Variants in SUMF1 observed in about 807,000 individuals in gnomAD.
The protein encoded by SUMF1 is sulfatase modifying factor 1.
In SUMF1, 48 loss-of-function variants were observed where a neutral mutation model predicts 47.6. The ratio of observed to expected loss-of-function variants is 1.01; its 90% CI spans 0.80 to 1.28. The LOEUF (loss-of-function observed/expected upper bound fraction) is 1.28. SUMF1 is among the 50% of genes most tolerant of loss of function. The probability of loss-of-function intolerance (pLI) is 0.00; values close to 1 mark genes in which losing one functional copy is unlikely to be tolerated. For missense variants in SUMF1, 571 were observed against 485.4 expected, an observed-to-expected ratio of 1.18 and a Z score of -1.66; for synonymous variants, 230 against 192.1, an observed-to-expected ratio of 1.20 and a Z score of -1.63.
chr3:4,120,491 C>G (rs1396515605), intron 8 of SUMF1, among the ~76,000 whole-genome samples: 1 of 152,158 alleles, frequency 6.6e-6, no homozygotes, highest in Non-Finnish European at 1.5e-5. Flanking sequence ...TTGTACAACT[C>G]TGACCTAAAA....
At chr3:4,456,656 G>A (rs2079613766) in intron 1 of SUMF1, among the ~76,000 whole-genome samples, 2 of 142,800 alleles carry the variant, frequency 1.4e-5, no homozygotes, top group African/African-American at 5.2e-5. Flanking sequence ...ATATATGTGT[G>A]TGTATATATA....
At position 4,415,865 on chromosome 3, in the gene SUMF1, C is replaced by T. The variant is rs2125027051; in HGVS notation, c.840+1263G>A. Among the ~76,000 whole-genome samples, 2 of 152,274 alleles carry T rather than the reference C, an allele frequency of 1.3e-5. 1 individual carries two copies. Among genetic ancestry groups the T allele is most frequent in the South Asian group, 4.2e-4 (2 of 4,818 alleles). On this transcript the variant is annotated intron_variant, in intron 6 of 8. Transcript: ENST00000272902. ...AAATGGCTCAAGGTTGAAGTGAGTGCTCTTTTGCCCGCCTTCTGCCTTCTG... is the reference window on the plus strand; with the variant it reads ...AAATGGCTCAAGGTTGAAGTGAGTGTTCTTTTGCCCGCCTTCTGCCTTCTG...
intron 8 of SUMF1, among the ~76,000 whole-genome samples, chr3:4,267,378 T>C (rs1310023797): frequency 2.0e-5 from 3 of 152,304 alleles, no homozygotes; most frequent in Non-Finnish European, 4.4e-5. Flanking sequence ...GTTGGTAAAG[T>C]ATTGATTATT....
In SUMF1 at chr3:4,253,922, T is replaced by C. The variant is rs313666; in HGVS notation, c.1014+122408A>G. On this transcript the variant is annotated intron_variant and NMD_transcript_variant, in intron 8 of 12. Coordinates refer to the SUMF1 transcript ENST00000448413. ...AGCACGCAGCTGGAGATCTGAGAAC[T>C]GGCAGACTGCCTCCTCAAGTGGGTC... Among the ~76,000 whole-genome samples the C allele has an allele frequency of 1.7e-3, 245 of 146,446 alleles. 1 individual carries two copies. Among genetic ancestry groups the C allele is most frequent in the Middle Eastern group, 3.5e-3 (1 of 284 alleles).
intron 8 of SUMF1, among the ~76,000 whole-genome samples, chr3:4,226,989 A>G (rs1480038892): frequency 6.6e-6 from 1 of 152,116 alleles, no homozygotes; most frequent in Non-Finnish European, 1.5e-5. Context: ...TTCAGGAGGC[A>G]TGGGGTGGAA....
At position 4,456,786 on chromosome 3, in the gene SUMF1, G is replaced by C. The variant is rs1381584939; in HGVS notation, c.271-3737C>G. On this transcript the variant is annotated intron_variant, in intron 1 of 8. Transcript: ENST00000272902. ...TGTATATATACACATATATACGTGT[G>C]TGTGTATATATACGTGTATATATAT... 5.0e-4 allele frequency among the ~76,000 whole-genome samples: 73 copies of C among 145,014 alleles called. 1 individual carries two copies. Among genetic ancestry groups the C allele is most frequent in the African/African-American group, 1.8e-3 (72 of 39,744 alleles).
At chr3:4,249,015 T>C (rs1369482726) in intron 8 of SUMF1, among the ~76,000 whole-genome samples, 1 of 152,172 alleles carries the variant, frequency 6.6e-6, no homozygotes, top group African/African-American at 2.4e-5. Context: ...CCCCTTCTCC[T>C]TCACTTCTCA....
At chr3:4,313,920 T>C (rs1386616753) in intron 8 of SUMF1, 1 of 1,319,630 alleles carries the variant, frequency 7.6e-7, no homozygotes, top group East Asian at 2.5e-5. Flanking sequence ...AATAGAATTC[T>C]CCATTTAACA....
chr3:4,258,636 G>A (rs368884320), intron 8 of SUMF1, among the ~76,000 whole-genome samples: 1 of 151,960 alleles, frequency 6.6e-6, no homozygotes, highest in Non-Finnish European at 1.5e-5. Flanking sequence ...AGGATGTGGA[G>A]AAATAGGAAC....
chr3:4,423,865 C>T (rs1338139380), intron 3 of SUMF1, among the ~76,000 whole-genome samples: 1 of 152,098 alleles, frequency 6.6e-6, no homozygotes, highest in Non-Finnish European at 1.5e-5. Flanking sequence ...CTCCCTCCAC[C>T]TCACTCTCTT....
chr3:4,274,393 G>A (rs185672732), intron 8 of SUMF1, among the ~76,000 whole-genome samples: 3 of 152,018 alleles, frequency 2.0e-5, no homozygotes, highest in African/African-American at 4.8e-5. Flanking sequence ...TACTATATTC[G>A]GCACTGTACT....
At position 4,408,215 on chromosome 3, in the gene SUMF1, T is replaced by C. The variant is rs1175645898; in HGVS notation, c.954+2650A>G. ...GATATTAGAGTTATCAGACAAACGTTTAAAAATGATGACTGAAAAACACAG... is the reference window on the plus strand; with the variant it reads ...GATATTAGAGTTATCAGACAAACGTCTAAAAATGATGACTGAAAAACACAG... On this transcript the variant is annotated intron_variant, in intron 7 of 8. Coordinates refer to ENST00000272902, the MANE Select transcript of SUMF1 (RefSeq NM_182760.4). Among the ~76,000 whole-genome samples the C allele has an allele frequency of 2.0e-5, 3 of 152,294 alleles. No individual in the cohort carries two copies. The South Asian group carries it at 6.2e-4, about 32-fold the overall frequency.
intron 9 of SUMF1, among the ~76,000 whole-genome samples, chr3:4,051,628 T>G (rs1390794892): frequency 1.3e-5 from 2 of 152,120 alleles, no homozygotes; most frequent in Non-Finnish European, 2.9e-5. Context: ...CCCACTTTTT[T>G]CCTCCCTCCT....
chr3:4,344,919 G>T (rs985295178), intron 8 of SUMF1, among the ~76,000 whole-genome samples: 1 of 151,986 alleles, frequency 6.6e-6, no homozygotes, highest in Non-Finnish European at 1.5e-5. Context: ...ACAGCAAGCG[G>T]AAGAAAGGAT....
In SUMF1 at chr3:4,250,535, G is replaced by T. The variant is rs993078594; in HGVS notation, c.1014+125795C>A. On this transcript the variant is annotated intron_variant and NMD_transcript_variant, in intron 8 of 12. Coordinates refer to the SUMF1 transcript ENST00000448413. ...TGAACAACAGATTTTCAATGTAGAT[G>T]AAACAGCCTTATACTGGAAGTAGAG... Among the ~76,000 whole-genome samples, 7 of 152,094 alleles carry T rather than the reference G, an allele frequency of 4.6e-5. No homozygotes were observed. The South Asian group carries it at 8.3e-4, about 18-fold the overall frequency.
In SUMF1 at chr3:4,362,032, A is replaced by C. The variant is rs1699775762; in HGVS notation, c.*112T>G. ...TCCTTTGGCCATTGGGCAGGTATGT[A>C]ACCCACCTCAGGGTGGGAATTCTTT... On this transcript the variant is annotated 3_prime_UTR_variant, in exon 9 of 9. Transcript: ENST00000272902. 9.5e-7 allele frequency: 1 copy of C among 1,057,996 alleles called. No individual in the cohort carries two copies. The highest frequency in any genetic ancestry group is 1.4e-6 in the Non-Finnish European group (1 of 700,196). The allele number at this position is 1,057,996 out of a possible 1,614,324, so 65.5% of individuals were successfully genotyped here.
chr3:4,245,916 C>A (rs1364589481), intron 8 of SUMF1, among the ~76,000 whole-genome samples: 1 of 152,190 alleles, frequency 6.6e-6, no homozygotes, highest in Non-Finnish European at 1.5e-5. Context: ...AGCTTCCCTG[C>A]CACTTTGTTT....
At chr3:4,256,109 C>A in intron 8 of SUMF1, among the ~76,000 whole-genome samples, 1 of 143,934 alleles carries the variant, frequency 6.9e-6, no homozygotes, top group Non-Finnish European at 1.5e-5. Flanking sequence ...GGGACGCATT[C>A]AAAGCAGTGT....
At chr3:4,276,810 T>C (rs1301776277) in intron 8 of SUMF1, among the ~76,000 whole-genome samples, 1 of 152,196 alleles carries the variant, frequency 6.6e-6, no homozygotes, top group Non-Finnish European at 1.5e-5. Context: ...TAAATTCCCA[T>C]ACTGTGCATT....
Sources: allele counts gnomAD v4.1 joint callset (sites outside exome capture counted in the v4.1 genomes callset), GRCh38; gene constraint gnomAD v4.1.1; transcripts MANE v1.5; gene names NCBI Gene and HGNC (gene_info 2026-07-23, HGNC 2026-07-21).